KCNH7: variants seen among roughly 807,000 people sequenced by gnomAD.
The protein encoded by KCNH7 is voltage-gated inwardly rectifying potassium channel KCNH7.
Under a neutral mutation model 120.8 loss-of-function variants are expected in KCNH7, and 49 were observed. The observed-to-expected ratio is 0.41, with a 90% confidence interval of 0.32 to 0.51. The LOEUF (loss-of-function observed/expected upper bound fraction) is 0.51. Among genes scored for constraint, KCNH7 ranks in the 20% least tolerant of loss-of-function variants. The pLI is 0.38. For synonymous variants in KCNH7, 547 were observed against 516.1 expected, an observed-to-expected ratio of 1.06 and a Z score of -0.81; for missense variants, 1,097 against 1,446.6, an observed-to-expected ratio of 0.76 and a Z score of 3.92.
chr2:162,779,981 T>C (rs1683414932), intron 2 of KCNH7, among the ~76,000 whole-genome samples: 1 of 152,248 alleles, frequency 6.6e-6, no homozygotes, highest in Non-Finnish European at 1.5e-5. Flanking sequence ...AAAAACTTTC[T>C]AATGCATGAT....
rs146138491 is a variant in KCNH7, at chr2:162,778,308, A to T, written c.307+58229T>A. 1.4e-4 allele frequency among the ~76,000 whole-genome samples: 21 copies of T among 152,198 alleles called. No homozygotes were observed. In the East Asian group the frequency reaches 2.3e-3, roughly 17 times the overall value. On this transcript the variant is annotated intron_variant, in intron 2 of 15. Transcript: ENST00000332142. ...ATATGTCAGTCTCTTAAGGTTAAGG[A>T]TTTTTACCTGTTTTATTCATTTCTG...
At chr2:162,781,351 T>G (rs923627036) in intron 2 of KCNH7, among the ~76,000 whole-genome samples, 2 of 152,100 alleles carry the variant, frequency 1.3e-5, no homozygotes, top group Non-Finnish European at 2.9e-5. Context: ...CAGGCTGCAG[T>G]AAGCAATAAG....
chr2:162,434,028 A>G (rs921682814), intron 8 of KCNH7, among the ~76,000 whole-genome samples: 1 of 152,024 alleles, frequency 6.6e-6, no homozygotes, highest in African/African-American at 2.4e-5. Context: ...TACATATACA[A>G]TATGGACTAC....
At chr2:162,395,743 G>A (rs1319043494) in intron 11 of KCNH7, among the ~76,000 whole-genome samples, 1 of 151,598 alleles carries the variant, frequency 6.6e-6, no homozygotes, top group Non-Finnish European at 1.5e-5. Context: ...ATCTGAACTG[G>A]TGTATCAGGG....
At chr2:162,496,329 G>A (rs1690496106) in intron 6 of KCNH7, among the ~76,000 whole-genome samples, 1 of 152,132 alleles carries the variant, frequency 6.6e-6, no homozygotes, top group African/African-American at 2.4e-5. Context: ...GACACCAGAT[G>A]TTTTGTGCAG....
chr2:162,668,852 A>C (rs1410321064), intron 2 of KCNH7, among the ~76,000 whole-genome samples: 1 of 152,242 alleles, frequency 6.6e-6, no homozygotes, highest in African/African-American at 2.4e-5. Flanking sequence ...GTACATACAA[A>C]GATTTAGAAA....
intron 2 of KCNH7, among the ~76,000 whole-genome samples, chr2:162,812,477 A>G (rs896514367): frequency 6.6e-6 from 1 of 152,094 alleles, no homozygotes; most frequent in African/African-American, 2.4e-5. Context: ...CAGGATGATA[A>G]TTACCTAAGT....
chr2:162,757,189 G>C (rs1190413570), intron 2 of KCNH7, among the ~76,000 whole-genome samples: 4 of 152,010 alleles, frequency 2.6e-5, no homozygotes, highest in Admixed American at 6.6e-5. Context: ...AAAGTACTGA[G>C]GTAATCATCT....
intron 2 of KCNH7, among the ~76,000 whole-genome samples, chr2:162,556,046 T>C (rs1462640284): frequency 6.6e-6 from 1 of 152,108 alleles, no homozygotes; most frequent in Non-Finnish European, 1.5e-5. Flanking sequence ...TATATCATTA[T>C]AAAACCATGT....
rs368137622 is a variant in KCNH7 at position 162,466,954 on chromosome 2, T to C, written c.1129-20511A>G. On this transcript the variant is annotated intron_variant, in intron 6 of 15. Transcript: ENST00000332142. ...CATCAATGTAGTCAACCTTTGCTTA[T>C]ATCTGTTCTTGAGGGAATGAGTGGA... Among the ~76,000 whole-genome samples the C allele has an allele frequency of 4.7e-4, 72 of 152,348 alleles. 2 individuals are homozygous for C. In the South Asian group the frequency reaches 0.014, roughly 29 times the overall value.
At chr2:162,472,281 T>C (rs1202783687) in intron 6 of KCNH7, among the ~76,000 whole-genome samples, 1 of 152,108 alleles carries the variant, frequency 6.6e-6, no homozygotes, top group Non-Finnish European at 1.5e-5. Flanking sequence ...CAAAAGAAAC[T>C]ACCATGAGAG....
intron 2 of KCNH7, among the ~76,000 whole-genome samples, chr2:162,804,477 A>G (rs952049430): frequency 1.3e-5 from 2 of 151,884 alleles, no homozygotes; most frequent in Non-Finnish European, 2.9e-5. Flanking sequence ...CTCTTTTACG[A>G]TAGCTGCAAC....
rs539980175 is a variant in KCNH7, at chr2:162,731,051, G to A, written c.307+105486C>T. On this transcript the variant is annotated intron_variant, in intron 2 of 15. Coordinates refer to ENST00000332142, the MANE Select transcript of KCNH7 (RefSeq NM_033272.4). ...CAGAGCAAAAGGATTTCTTAAATGAGATGCAAAATGTAAGAGAAACAGTTG... is the reference window on the plus strand; with the variant it reads ...CAGAGCAAAAGGATTTCTTAAATGAAATGCAAAATGTAAGAGAAACAGTTG... Among the ~76,000 whole-genome samples the A allele has an allele frequency of 8.0e-4, 121 of 151,716 alleles. 1 individual carries two copies. The highest frequency in any genetic ancestry group is 3.4e-3 in the Middle Eastern group (1 of 292).
At chr2:162,591,222 T>A (rs1373203926) in intron 2 of KCNH7, among the ~76,000 whole-genome samples, 1 of 152,072 alleles carries the variant, frequency 6.6e-6, no homozygotes, top group African/African-American at 2.4e-5. Flanking sequence ...ATACCACATT[T>A]CTTTTATTTT....
chr2:162,594,446 C>T lies in KCNH7; in HGVS notation c.308-57366G>A, dbSNP rs965885765. On this transcript the variant is annotated intron_variant, in intron 2 of 15. Coordinates refer to ENST00000332142, the MANE Select transcript of KCNH7 (RefSeq NM_033272.4). ...AAAAGTTTAAAACAGAGACTACTTC[C>T]AAATTAATTTTACCAGGCCAGCATT... Among the ~76,000 whole-genome samples the T allele has an allele frequency of 2.0e-5, 3 of 151,834 alleles. No individual in the cohort carries two copies. In the East Asian group the frequency reaches 5.8e-4, roughly 29 times the overall value.
intron 2 of KCNH7, among the ~76,000 whole-genome samples, chr2:162,835,767 T>C (rs1685642501): frequency 6.6e-6 from 1 of 152,134 alleles, no homozygotes; most frequent in Admixed American, 6.6e-5. Context: ...ACATGTGTAA[T>C]TTTTTAAGAG....
chr2:162,406,020 A>C (rs1221701859), intron 9 of KCNH7, among the ~76,000 whole-genome samples: 3 of 152,026 alleles, frequency 2.0e-5, no homozygotes, highest in Non-Finnish European at 4.4e-5. Context: ...CTGGCTGCTG[A>C]TAAAAGATAG....
chr2:162,697,553 T>A (rs974016822), intron 2 of KCNH7, among the ~76,000 whole-genome samples: 1 of 151,992 alleles, frequency 6.6e-6, no homozygotes, highest in African/African-American at 2.4e-5. Context: ...ATTGTTATTT[T>A]GTGGGCAGGA....
intron 2 of KCNH7, among the ~76,000 whole-genome samples, chr2:162,543,843 C>A (rs1692393416): frequency 6.6e-6 from 1 of 152,054 alleles, no homozygotes; most frequent in Non-Finnish European, 1.5e-5. Context: ...AGCAAGGAGC[C>A]TGGCATAAAA....
Sources: allele counts gnomAD v4.1 joint callset (sites outside exome capture counted in the v4.1 genomes callset), GRCh38; gene constraint gnomAD v4.1.1; transcripts MANE v1.5; gene names NCBI Gene and HGNC (gene_info 2026-07-23, HGNC 2026-07-21).